FAM186B: variants seen among roughly 807,000 people sequenced by gnomAD.
The protein encoded by FAM186B is family with sequence similarity 186 member B, also known as protein FAM186B.
Under a neutral mutation model 83.4 loss-of-function variants are expected in FAM186B, and 68 were observed. The ratio of observed to expected loss-of-function variants is 0.81; its 90% CI spans 0.67 to 1.00. FAM186B has a LOEUF of 1.00. Among genes scored for constraint, FAM186B ranks in the 50% least tolerant of loss-of-function variants. FAM186B has a pLI of 0.00. For synonymous variants in FAM186B, 389 were observed against 422.0 expected, an observed-to-expected ratio of 0.92 and a Z score of 0.96; for missense variants, 983 against 1,099.2, an observed-to-expected ratio of 0.89 and a Z score of 1.49.
At chr12:49,611,587 G>A in the FAM186B span, among the ~76,000 whole-genome samples, 70 of 136,084 alleles carry the variant, frequency 5.1e-4, no homozygotes, top group South Asian at 9.2e-3. Context: ...TAGGCCGGGC[G>A]CAGTGGCTCA....
chr12:49,600,391 G>T lies in FAM186B; in HGVS notation c.1249C>A (p.Leu417Ile). The change falls in exon 4 of 7, where the codon CTT (leucine) becomes ATT (isoleucine). Residue 417 changes from leucine to isoleucine, a missense_variant. Physicochemically the swap from Leu to Ile is conservative, Grantham distance 5. Coordinates refer to ENST00000257894, the MANE Select transcript of FAM186B (RefSeq NM_032130.3). The surrounding 1 kb of genome is among the most constrained non-coding windows in gnomAD (Gnocchi z 4.3). ...SKDTESLEPV[L>I]LPLVDRRFPK... ...AACCTGCGATCTACTAAGGGTAAAAGCACAGGCTCAAGGCTCTCAGTGTCC... is the reference window on the plus strand; with the variant it reads ...AACCTGCGATCTACTAAGGGTAAAATCACAGGCTCAAGGCTCTCAGTGTCC... The T allele has an allele frequency of 6.2e-7, 1 of 1,614,158 alleles. No homozygotes were observed.
At chr12:49,619,987 T>C in the FAM186B span, among the ~76,000 whole-genome samples, 3 of 152,090 alleles carry the variant, frequency 2.0e-5, no homozygotes, top group East Asian at 1.9e-4. Context: ...CATCTCATTA[T>C]TGAAGCTACA....
downstream of FAM186B, among the ~76,000 whole-genome samples, chr12:49,585,951 A>G (rs576580639): frequency 2.0e-5 from 3 of 152,330 alleles, no homozygotes; most frequent in African/African-American, 7.2e-5. Flanking sequence ...GCAGATCCTC[A>G]TGCCAAAATA....
In FAM186B at chr12:49,603,326, C is replaced by T. The variant is rs1939938933; in HGVS notation, c.364G>A (p.Glu122Lys). The T allele has an allele frequency of 1.2e-6, 2 of 1,614,122 alleles. No homozygotes were observed. The highest frequency in any genetic ancestry group is 2.7e-5 in the African/African-American group (2 of 74,928). Reference protein sequence around the residue: ...TYEIGPRKSEEEAAALDEWIE... With the variant: ...TYEIGPRKSEKEAAALDEWIE... ...CATTCGTCCAGAGCTGCTGCTTCCT[C>T]TTCACTCTTCCTGGGCCCAATCTCA... Residue 122 changes from glutamate (E) to lysine (K), a missense_variant, in exon 3 of 7, where the codon GAG becomes AAG. Glu to Lys is a moderately conservative substitution (Grantham distance 56). Transcript: ENST00000257894.
intron 3 of FAM186B, 30 bp downstream of exon 3, chr12:49,603,139 ACCCCGTCCCCACCTAG>A: frequency 6.2e-7 from 1 of 1,606,460 alleles, no homozygotes; most frequent in Non-Finnish European, 8.5e-7. Context: ...CCATGGCTCC[ACCCCGTCCCCACCTAG>A]CTCCCTGGCC....
chr12:49,607,358 ACT>A (rs1239606524), upstream of FAM186B, among the ~76,000 whole-genome samples: 2 of 152,112 alleles, frequency 1.3e-5, no homozygotes, highest in Non-Finnish European at 2.9e-5. Flanking sequence ...GAGACTACAG[ACT>A]CTACAGTGGG....
intron 3 of FAM186B, among the ~76,000 whole-genome samples, chr12:49,602,638 T>C (rs1939919142): frequency 6.6e-6 from 1 of 152,250 alleles, no homozygotes; most frequent in Non-Finnish European, 1.5e-5. Flanking sequence ...AGAAAACCTA[T>C]GTGTGGGGCC....
chr12:49,604,258 T>G, intron 2 of FAM186B, 55 bp downstream of exon 2: 1 of 1,441,432 alleles, frequency 6.9e-7, no homozygotes, highest in Non-Finnish European at 9.7e-7. Flanking sequence ...GTCCCTGTGC[T>G]CGCCACCCAC....
rs1312483558 is a variant in FAM186B, at chr12:49,599,479, G to A, written c.2161C>T (p.Gln721Ter). 3 of 1,534,688 alleles carry A rather than the reference G, an allele frequency of 2.0e-6. No homozygotes were observed. ...CHKYIFYRRL[Q>*]SLRQEAINHV... The stretch of plus-strand genomic sequence containing the variant: ...CCAGGGAGGACCTACCGGAGGCTCT[G>A]GAGGCGTCTATAGAAGATGTACTTA... Residue 721 changes from glutamine to a stop codon, truncating the protein, a stop_gained, in exon 4 of 7, where the codon CAG becomes TAG. Transcript: ENST00000257894. LOFTEE classifies it high-confidence loss of function.
intron 5 of FAM186B, among the ~76,000 whole-genome samples, chr12:49,591,875 A>G (rs1315296485): frequency 6.9e-6 from 1 of 144,682 alleles, no homozygotes; most frequent in Non-Finnish European, 1.5e-5. Flanking sequence ...TATAAACACT[A>G]TCTAAGTAGT....
chr12:49,606,609 A>T (rs889037788), upstream of FAM186B, among the ~76,000 whole-genome samples: 26 of 152,152 alleles, frequency 1.7e-4, 1 homozygote. Context: ...GTATATACCT[A>T]ATAACATTGC....
At chr12:49,607,746 C>T (rs570774893), upstream of FAM186B, among the ~76,000 whole-genome samples, 1 of 152,236 alleles carries the variant, frequency 6.6e-6, no homozygotes, top group South Asian at 2.1e-4. Flanking sequence ...GTTGCCCAGG[C>T]CAGAGTGCAG....
At chr12:49,588,036 T>C (rs1592542301) in intron 6 of FAM186B, among the ~76,000 whole-genome samples, 2 of 152,324 alleles carry the variant, frequency 1.3e-5, no homozygotes, top group East Asian at 3.9e-4. Context: ...AGGGTAGGTG[T>C]GGACCAGGGT....
At chr12:49,599,371 A>G in intron 4 of FAM186B, 98 bp downstream of exon 4, 4 of 1,425,840 alleles carry the variant, frequency 2.8e-6, no homozygotes, top group Non-Finnish European at 9.2e-7. Flanking sequence ...GGCTCTCCCC[A>G]TCCCCCCTTG....
Position 49,600,526 on chromosome 12 carries a change from G to A in FAM186B, c.1114C>T (p.Pro372Ser), listed in dbSNP as rs1939860293. 1 of 1,613,984 alleles carries A rather than the reference G, an allele frequency of 6.2e-7. No homozygotes were observed. The highest frequency in any genetic ancestry group is 8.5e-7 in the Non-Finnish European group (1 of 1,179,980). ...CGTATCATGGCCATGGGACTTGGGG[G>A]AAGTGGCGAGAACAACTGCTCCTCC... ...MKEEQLFSPL[P>S]PSPMAMIRDS... is the part of the protein sequence containing the mutation. The change falls in exon 4 of 7, where the codon CCC becomes TCC. Residue 372 changes from proline (P) to serine (S), a missense_variant. Coordinates refer to ENST00000257894, the MANE Select transcript of FAM186B (RefSeq NM_032130.3). This position sits in a 1 kb window ranked among gnomAD's most constrained non-coding sequence, Gnocchi z 4.3.
chr12:49,612,400 A>G, the FAM186B span, among the ~76,000 whole-genome samples: 1 of 151,428 alleles, frequency 6.6e-6, no homozygotes, highest in Non-Finnish European at 1.5e-5. Context: ...GGGACAAAGA[A>G]TGGCATTACA....
upstream of FAM186B, among the ~76,000 whole-genome samples, chr12:49,607,162 C>T (rs75278574): frequency 0.089 from 13,435 of 151,392 alleles, 709 homozygotes; most frequent in African/African-American, 0.14. Context: ...ACAAAAAAAC[C>T]CAAAATAAGC....
At chr12:49,598,704 G>T in intron 5 of FAM186B, 51 bp downstream of exon 5, 1 of 1,543,788 alleles carries the variant, frequency 6.5e-7, no homozygotes, top group South Asian at 1.2e-5. Context: ...CCGACTGGCT[G>T]TGCTGACCCC....
chr12:49,618,216 G>A, the FAM186B span, among the ~76,000 whole-genome samples: 2 of 152,082 alleles, frequency 1.3e-5, no homozygotes, highest in Admixed American at 6.6e-5. Flanking sequence ...GTGTTGGCAC[G>A]TGCCTGTAAT....
Sources: gnomAD v4.1 joint callset for allele counts (sites outside exome capture counted in the v4.1 genomes callset) on GRCh38, gnomAD v4.1.1 for gene constraint, Gnocchi (gnomAD v3.1) non-coding constraint, MANE v1.5 for transcripts, NCBI Gene and HGNC (gene_info 2026-07-23, HGNC 2026-07-21) for gene names.